CACNA2D3: variants seen among roughly 807,000 people sequenced by gnomAD.
The protein encoded by CACNA2D3 is voltage-dependent calcium channel subunit alpha-2/delta-3.
Under a neutral mutation model 160.6 loss-of-function variants are expected in CACNA2D3, and 60 were observed. The observed-to-expected ratio is 0.37, with a 90% CI of 0.30 to 0.46. CACNA2D3 has a LOEUF of 0.46. CACNA2D3 is among the 20% of genes least tolerant of loss of function. CACNA2D3 has a pLI of 1.00. For synonymous variants in CACNA2D3, 558 were observed against 492.9 expected (o/e 1.13, Z -1.75); for missense variants, 1,205 against 1,365.0 (o/e 0.88, Z 1.85).
chr3:54,463,338 G>A (rs1700544488), intron 4 of CACNA2D3, among the ~76,000 whole-genome samples: 1 of 152,128 alleles, frequency 6.6e-6, no homozygotes, highest in South Asian at 2.1e-4. Flanking sequence ...GCTAGATTGG[G>A]GAAGTTCTCC....
chr3:54,871,491 CT>C, intron 17 of CACNA2D3, 47 bp from the exon 18 acceptor site: 2 of 1,448,508 alleles, frequency 1.4e-6, no homozygotes, highest in Non-Finnish European at 1.9e-6. Flanking sequence ...TGGCTGATGA[CT>C]TCACGGACTT....
intron 35 of CACNA2D3, among the ~76,000 whole-genome samples, chr3:55,018,736 T>G (rs1703382187): frequency 6.6e-6 from 1 of 152,132 alleles, no homozygotes; most frequent in Non-Finnish European, 1.5e-5. Flanking sequence ...TGCATTTCCC[T>G]GACTGCTAAT....
At chr3:54,277,518 T>G (rs1310115414) in intron 2 of CACNA2D3, among the ~76,000 whole-genome samples, 2 of 152,214 alleles carry the variant, frequency 1.3e-5, no homozygotes, top group African/African-American at 4.8e-5. Flanking sequence ...CCATGCTGTT[T>G]TGGTTACTGT....
At chr3:54,605,760 G>C (rs1268034635) in intron 9 of CACNA2D3, among the ~76,000 whole-genome samples, 1 of 152,156 alleles carries the variant, frequency 6.6e-6, no homozygotes, top group African/African-American at 2.4e-5. Flanking sequence ...GGACATTACT[G>C]TGAATCCTAG....
At chr3:54,593,352 A>G (rs1702896382) in intron 9 of CACNA2D3, among the ~76,000 whole-genome samples, 2 of 151,326 alleles carry the variant, frequency 1.3e-5, no homozygotes, top group African/African-American at 2.4e-5. Flanking sequence ...AGTATGGTTC[A>G]TGGCTTCTAT....
intron 5 of CACNA2D3, among the ~76,000 whole-genome samples, chr3:54,515,896 T>C (rs752703701): frequency 2.0e-5 from 3 of 152,240 alleles, no homozygotes; most frequent in Non-Finnish European, 4.4e-5. Flanking sequence ...GTTCTCTCAC[T>C]GACAGAGAAC....
At chr3:54,864,162 A>T (rs1699351977) in intron 17 of CACNA2D3, among the ~76,000 whole-genome samples, 1 of 152,168 alleles carries the variant, frequency 6.6e-6, no homozygotes, top group South Asian at 2.1e-4. Context: ...CCATACCACA[A>T]GGGTTCCCTG....
At chr3:54,770,695 A>G (rs930495346) in intron 13 of CACNA2D3, among the ~76,000 whole-genome samples, 3 of 152,200 alleles carry the variant, frequency 2.0e-5, no homozygotes, top group Admixed American at 1.3e-4. Context: ...TGCACGAAGC[A>G]TATGTCTGTT....
intron 17 of CACNA2D3, among the ~76,000 whole-genome samples, chr3:54,864,319 G>C (rs185091036): frequency 1.3e-5 from 2 of 151,740 alleles, no homozygotes; most frequent in Non-Finnish European, 2.9e-5. Context: ...TGTCGCCCAG[G>C]CTGGAGTGCG....
At chr3:54,309,904 C>G (rs1703698467) in intron 2 of CACNA2D3, among the ~76,000 whole-genome samples, 1 of 151,992 alleles carries the variant, frequency 6.6e-6, no homozygotes, top group Admixed American at 6.6e-5. Context: ...GGCTGAGCCA[C>G]TCCCTGCATC....
At chr3:54,761,110 C>T (rs1468206446) in intron 12 of CACNA2D3, among the ~76,000 whole-genome samples, 1 of 152,204 alleles carries the variant, frequency 6.6e-6, no homozygotes, top group East Asian at 1.9e-4. Context: ...CCACCCTCCT[C>T]CTTAAATTCA....
chr3:54,835,502 A>G (rs1698658232), intron 14 of CACNA2D3, among the ~76,000 whole-genome samples: 1 of 152,200 alleles, frequency 6.6e-6, no homozygotes, highest in African/African-American at 2.4e-5. Context: ...AGGCAAAAGA[A>G]AGACTAAGTT....
intron 8 of CACNA2D3, among the ~76,000 whole-genome samples, chr3:54,571,471 G>A (rs1289096130): frequency 6.6e-6 from 1 of 151,964 alleles, no homozygotes; most frequent in East Asian, 1.9e-4. Context: ...TTTATTTTTG[G>A]TTTACAATCT....
intron 29 of CACNA2D3, among the ~76,000 whole-genome samples, chr3:54,974,516 G>T (rs1249837051): frequency 6.6e-6 from 1 of 152,138 alleles, no homozygotes; most frequent in African/African-American, 2.4e-5. Flanking sequence ...TCACTCCCAG[G>T]CACCCTGCCC....
intron 2 of CACNA2D3, among the ~76,000 whole-genome samples, chr3:54,315,107 G>T (rs1323426866): frequency 2.6e-5 from 4 of 152,158 alleles, no homozygotes; most frequent in East Asian, 3.9e-4. Flanking sequence ...AAGAATTTTA[G>T]GTATTTTTCC....
chr3:55,074,122 A>G lies in CACNA2D3; in HGVS notation c.3192A>G (p.Ala1064=), dbSNP rs17054785. The part of the protein sequence containing the change: ...SCHGFHPEEN[A]RECGGAPSLQ... ...CCTGCCTTTCCCCATAGGAGAATGC[A>G]AGGGAGTGTGGGGGTGCGCCGAGTC... Residue 1064 remains alanine (A), a synonymous_variant, in exon 38 of 38, where the codon GCA becomes GCG. Transcript: ENST00000474759. The G allele has an allele frequency of 0.14, 220,567 of 1,608,390 alleles. 16,614 individuals carry two copies. Among genetic ancestry groups the G allele is most frequent in the African/African-American group, 0.18 (13,274 of 74,896 alleles).
At chr3:54,914,107 G>A (rs1700612557) in intron 27 of CACNA2D3, among the ~76,000 whole-genome samples, 1 of 152,130 alleles carries the variant, frequency 6.6e-6, no homozygotes, top group South Asian at 2.1e-4. Flanking sequence ...TCCTGCAACT[G>A]CATTTATAAG....
chr3:54,438,035 A>G (rs1371933372), intron 4 of CACNA2D3, among the ~76,000 whole-genome samples: 1 of 152,208 alleles, frequency 6.6e-6, no homozygotes, highest in Non-Finnish European at 1.5e-5. Flanking sequence ...TAATGCAGAT[A>G]TTAGAAACAA....
intron 9 of CACNA2D3, among the ~76,000 whole-genome samples, chr3:54,594,468 T>C (rs933479831): frequency 2.0e-5 from 3 of 152,206 alleles, no homozygotes; most frequent in Non-Finnish European, 2.9e-5. Flanking sequence ...TTAAAATCTT[T>C]CTGAAAGGTG....
Sources: allele counts gnomAD v4.1 joint callset (sites outside exome capture counted in the v4.1 genomes callset), GRCh38; gene constraint gnomAD v4.1.1; transcripts MANE v1.5; gene names NCBI Gene and HGNC (gene_info 2026-07-23, HGNC 2026-07-21).